Variants in CCDC178 observed in about 807,000 individuals in gnomAD.
The protein encoded by CCDC178 is coiled-coil domain-containing protein 178.
A neutral mutation model predicts 117.4 loss-of-function variants in CCDC178; 126 were observed. The ratio of observed to expected loss-of-function variants is 1.07; its 90% confidence interval spans 0.93 to 1.24. The LOEUF is 1.24. Among genes scored for constraint, CCDC178 ranks in the 50% most tolerant of loss-of-function variants. The pLI is 0.00. For missense variants in CCDC178, 1,030 were observed against 986.9 expected (o/e 1.04, Z -0.59); for synonymous variants, 283 against 313.4 (o/e 0.90, Z 1.02).
At chr18:33,417,369 A>G (rs1374810348) in intron 2 of CCDC178, among the ~76,000 whole-genome samples, 1 of 152,226 alleles carries the variant, frequency 6.6e-6, no homozygotes, top group Non-Finnish European at 1.5e-5. Flanking sequence ...GATTCCATTT[A>G]TATTCATGAC....
At chr18:33,208,370 T>C (rs1361130201) in intron 20 of CCDC178, among the ~76,000 whole-genome samples, 1 of 152,074 alleles carries the variant, frequency 6.6e-6, no homozygotes, top group Non-Finnish European at 1.5e-5. Context: ...TATGTCATTT[T>C]TTTTACTCAA....
intron 14 of CCDC178, 103 bp downstream of exon 14, chr18:33,266,813 C>CA: frequency 2.6e-6 from 3 of 1,171,820 alleles, no homozygotes; most frequent in Middle Eastern, 3.0e-4. Flanking sequence ...TACTGATAAA[C>CA]AAAAACACCA....
intron 12 of CCDC178, among the ~76,000 whole-genome samples, chr18:33,276,892 T>G: frequency 6.6e-6 from 1 of 152,154 alleles, no homozygotes; most frequent in East Asian, 1.9e-4. Context: ...GAAAAGATTC[T>G]TGAGAAAATT....
intron 21 of CCDC178, among the ~76,000 whole-genome samples, chr18:33,052,561 A>T (rs1235468033): frequency 6.6e-6 from 1 of 152,208 alleles, no homozygotes; most frequent in Non-Finnish European, 1.5e-5. Context: ...CACTATAAAG[A>T]AGGAAAATTC....
intron 5 of CCDC178, among the ~76,000 whole-genome samples, chr18:33,385,852 A>G (rs1052343262): frequency 6.6e-6 from 1 of 152,212 alleles, no homozygotes; most frequent in Non-Finnish European, 1.5e-5. Flanking sequence ...GACATCACCA[A>G]GCTCAGAGCA....
chr18:33,019,950 T>TATC (rs2056077272), intron 21 of CCDC178, among the ~76,000 whole-genome samples: 1 of 145,508 alleles, frequency 6.9e-6, no homozygotes, highest in African/African-American at 2.5e-5. Flanking sequence ...TTATTATTAT[T>TATC]ATTATTATTA....
At chr18:33,289,065 T>C (rs2060135259) in intron 12 of CCDC178, among the ~76,000 whole-genome samples, 1 of 152,122 alleles carries the variant, frequency 6.6e-6, no homozygotes, top group Non-Finnish European at 1.5e-5. Context: ...CAGCCCAGTG[T>C]TTTTGGTTTA....
intron 5 of CCDC178, among the ~76,000 whole-genome samples, chr18:33,372,325 A>G (rs76566714): frequency 4.3e-3 from 656 of 152,270 alleles, no homozygotes; most frequent in Admixed American, 8.1e-3. Flanking sequence ...TGATATAATC[A>G]AAAGACAGCT....
chr18:33,040,363 G>A (rs1300811011), intron 21 of CCDC178, among the ~76,000 whole-genome samples: 1 of 151,830 alleles, frequency 6.6e-6, no homozygotes, highest in East Asian at 1.9e-4. Flanking sequence ...AGCTGAAGAA[G>A]GCAGACAAAG....
chr18:32,952,581 G>C (rs904397430), intron 22 of CCDC178, among the ~76,000 whole-genome samples: 2 of 152,092 alleles, frequency 1.3e-5, no homozygotes, highest in Non-Finnish European at 2.9e-5. Context: ...TCCCTCCTAG[G>C]CCTCCAGGCC....
intron 2 of CCDC178, among the ~76,000 whole-genome samples, chr18:33,417,349 C>T (rs1248203216): frequency 3.3e-5 from 5 of 152,152 alleles, no homozygotes. Flanking sequence ...CAAAAGGATA[C>T]ATATTGCATG....
chr18:33,212,117 T>C, intron 19 of CCDC178, 62 bp from the exon 20 acceptor site: 2 of 1,293,384 alleles, frequency 1.5e-6, no homozygotes, highest in Non-Finnish European at 1.0e-6. Flanking sequence ...AAAATGCATT[T>C]ATGAGACATT....
At position 33,370,120 on chromosome 18, in the gene CCDC178, G is replaced by A; in HGVS notation, c.278C>T (p.Ala93Val). 1.2e-6 allele frequency: 2 copies of A among 1,606,332 alleles called. No individual in the cohort carries two copies. Among genetic ancestry groups the A allele is most frequent in the Non-Finnish European group, 1.7e-6 (2 of 1,176,344 alleles). Residue 93 changes from alanine (A) to valine (V), a missense_variant, in exon 6 of 23, where the codon GCA (alanine) becomes GTA (valine). By Grantham distance (64) the Ala-to-Val change is moderately conservative (BLOSUM62 0). Coordinates refer to ENST00000383096, the MANE Select transcript of CCDC178 (RefSeq NM_001105528.4). ...RHSCAVVNIPAPCVNKMISHI... is the reference protein window; with the variant it reads ...RHSCAVVNIPVPCVNKMISHI... Reference sequence around the variant, plus strand: ...TGAAATCATTTTGTTGACACAAGGTGCTGGAATATTTACTACGGCACAGCT... The same window carrying A: ...TGAAATCATTTTGTTGACACAAGGTACTGGAATATTTACTACGGCACAGCT...
intron 21 of CCDC178, among the ~76,000 whole-genome samples, chr18:33,022,317 G>T (rs113270730): frequency 7.2e-5 from 11 of 152,298 alleles, no homozygotes; most frequent in African/African-American, 2.2e-4. Context: ...AGAAAAAAAT[G>T]TGATAAGTAG....
intron 5 of CCDC178, among the ~76,000 whole-genome samples, chr18:33,370,397 G>A (rs1266679933): frequency 2.0e-5 from 3 of 151,662 alleles, no homozygotes; most frequent in Non-Finnish European, 4.4e-5. Flanking sequence ...ATTTAATTCT[G>A]TAACAAATAA....
intron 21 of CCDC178, among the ~76,000 whole-genome samples, chr18:33,068,032 T>C (rs2057047544): frequency 6.6e-6 from 1 of 151,892 alleles, no homozygotes; most frequent in Admixed American, 6.6e-5. Context: ...ATTAGAGACT[T>C]ATGAACAATT....
At chr18:33,115,066 T>C (rs1379746974) in intron 20 of CCDC178, among the ~76,000 whole-genome samples, 1 of 152,068 alleles carries the variant, frequency 6.6e-6, no homozygotes, top group East Asian at 1.9e-4. Context: ...GAAACTGATA[T>C]ACCAGCATTT....
intron 21 of CCDC178, among the ~76,000 whole-genome samples, chr18:32,998,174 G>A (rs942822981): frequency 2.6e-5 from 4 of 152,210 alleles, no homozygotes; most frequent in African/African-American, 9.6e-5. Flanking sequence ...CTTGGAGGAG[G>A]CAGAGTGATT....
chr18:33,375,797 T>C (rs1026894639), intron 5 of CCDC178, among the ~76,000 whole-genome samples: 7 of 152,068 alleles, frequency 4.6e-5, no homozygotes, highest in Non-Finnish European at 1.0e-4. Flanking sequence ...GAACTGTTAT[T>C]AGTGGAAGGT....
Sources: allele counts gnomAD v4.1 joint callset (sites outside exome capture counted in the v4.1 genomes callset), GRCh38; gene constraint gnomAD v4.1.1; transcripts MANE v1.5; gene names NCBI Gene and HGNC (gene_info 2026-07-23, HGNC 2026-07-21).